The following NCOR1 variants were observed in gnomAD, a reference collection of about 807,000 sequenced individuals.
NCOR1 encodes protein phosphatase 1, regulatory subunit 109.
NCOR1 carries 63 observed loss-of-function variants against 288.1 expected under a neutral mutation model. That is an observed-to-expected ratio of 0.22 (90% CI 0.18 to 0.27). The LOEUF (loss-of-function observed/expected upper bound fraction) is 0.27. NCOR1 is among the 10% of genes least tolerant of loss of function. NCOR1 has a pLI of 1.00. For synonymous variants in NCOR1, 1,007 were observed against 1,065.9 expected (o/e 0.94, Z 1.08); for missense variants, 2,397 against 3,019.2 (o/e 0.79, Z 4.83).
intron 5 of NCOR1, among the ~76,000 whole-genome samples, chr17:16,162,124 GAGA>G (rs923157887): frequency 1.1e-4 from 16 of 152,152 alleles, no homozygotes; most frequent in African/African-American, 3.6e-4. Flanking sequence ...AGGCAGATTT[GAGA>G]AGGAGCCAAA....
At position 16,143,618 on chromosome 17, in the gene NCOR1, G is replaced by A. The variant is rs750454347; in HGVS notation, c.1161C>T (p.Leu387=). The A allele has an allele frequency of 1.9e-6, 3 of 1,612,998 alleles. No individual in the cohort carries two copies. In the South Asian group the frequency reaches 3.3e-5, roughly 18 times the overall value. Residue 387 remains leucine, a synonymous_variant, in exon 11 of 46, where the codon CTC becomes CTT. Transcript: ENST00000268712. The stretch of plus-strand genomic sequence containing the variant: ...TTTATTTTCTTACCTCCTGCTCAGA[G>A]AGCCCATCAATAATTTCAGAAATCT... ...EHEISEIIDG[L]SEQENNEKQM...
At chr17:16,067,749 T>C (rs2061301751) in intron 32 of NCOR1, 145 bp downstream of exon 32, 3 of 758,464 alleles carry the variant, frequency 4.0e-6, no homozygotes, top group Non-Finnish European at 6.0e-6. Context: ...GCTGGTAACA[T>C]GGGAGAATTT....
chr17:16,091,854 T>C lies in NCOR1; in HGVS notation c.3016+9A>G, dbSNP rs190716672. 1.2e-5 allele frequency: 19 copies of C among 1,614,022 alleles called. No individual in the cohort carries two copies. The African/African-American group carries it at 1.9e-4, about 16-fold the overall frequency. On this transcript the variant is annotated intron_variant, in intron 22 of 45. Coordinates refer to ENST00000268712, the MANE Select transcript of NCOR1 (RefSeq NM_006311.4). ...AAAAGTTCTCTTGGTGATAGCTCTA[T>C]CTACCTACCTTCCCACTCTCTGTTT...
At chr17:16,194,399 A>G (rs2089313544) in intron 2 of NCOR1, 63 bp downstream of exon 2, 1 of 1,152,074 alleles carries the variant, frequency 8.7e-7, no homozygotes, top group South Asian at 1.4e-5. Context: ...CATGTGTATT[A>G]AATAGGAAAA....
At chr17:16,163,498 T>A (rs537812930) in intron 5 of NCOR1, among the ~76,000 whole-genome samples, 6,568 of 152,108 alleles carry the variant, frequency 0.043, 315 homozygotes, top group African/African-American at 0.12. Flanking sequence ...TATATTTTTT[T>A]AAAAAAGGAA....
At position 16,065,388 on chromosome 17, in the gene NCOR1, C is replaced by T. The variant is rs537349315; in HGVS notation, c.4951+97G>A. Reference sequence around the variant, plus strand: ...GGATATAGTATTCTTTTCTTTCTTTCTTTCCATCATTCATTCAACAAGTAT... The same window carrying T: ...GGATATAGTATTCTTTTCTTTCTTTTTTTCCATCATTCATTCAACAAGTAT... On this transcript the variant is annotated intron_variant, in intron 33 of 45. Transcript: ENST00000268712. 2.6e-4 allele frequency: 344 copies of T among 1,322,622 alleles called. 7 individuals carry two copies. In the South Asian group the frequency reaches 4.2e-3, roughly 16 times the overall value. 81.9% of individuals were successfully genotyped at this position (1,322,622 alleles called of 1,614,324 possible). A position where few individuals can be genotyped will look rare whatever the true frequency, so the allele number is the denominator to read the frequency against.
At chr17:16,127,756 T>C (rs1336365706) in intron 14 of NCOR1, among the ~76,000 whole-genome samples, 3 of 103,496 alleles carry the variant, frequency 2.9e-5, no homozygotes, top group African/African-American at 6.9e-5. Flanking sequence ...GATATATATA[T>C]ATATCTCTCA....
At chr17:16,036,954 C>T (rs2056515477) in intron 44 of NCOR1, among the ~76,000 whole-genome samples, 1 of 152,230 alleles carries the variant, frequency 6.6e-6, no homozygotes, top group South Asian at 2.1e-4. Flanking sequence ...GTCTAGCTTT[C>T]AGCCTGTCTT....
At chr17:16,142,575 T>C (rs1480964369) in intron 11 of NCOR1, among the ~76,000 whole-genome samples, 2 of 152,196 alleles carry the variant, frequency 1.3e-5, no homozygotes, top group Non-Finnish European at 2.9e-5. Context: ...TGCATTTATT[T>C]ATTAATATCC....
At chr17:16,192,769 GAT>G (rs1307492692) in intron 2 of NCOR1, among the ~76,000 whole-genome samples, 1 of 152,144 alleles carries the variant, frequency 6.6e-6, no homozygotes, top group Non-Finnish European at 1.5e-5. Context: ...CAAACATATA[GAT>G]ATATGTTTTC....
chr17:16,187,193 G>C (rs1264347922), intron 2 of NCOR1, among the ~76,000 whole-genome samples: 2 of 150,530 alleles, frequency 1.3e-5, no homozygotes, highest in Non-Finnish European at 3.0e-5. Context: ...TTCCTTTGTT[G>C]GTTGTTGTTT....
In NCOR1 at chr17:16,089,560, T is replaced by C. The variant is rs146552637; in HGVS notation, c.3016+2303A>G. ...AGAGAAATAAATACAACCAAATAGT[T>C]GGACAACAAGTGCTGCCTGTTACTT... On this transcript the variant is annotated intron_variant, in intron 22 of 45. Coordinates refer to ENST00000268712, the MANE Select transcript of NCOR1 (RefSeq NM_006311.4). Among the ~76,000 whole-genome samples, 665 of 152,158 alleles carry C rather than the reference T, an allele frequency of 4.4e-3. 2 individuals are homozygous for C. Among genetic ancestry groups the C allele is most frequent in the Non-Finnish European group, 6.3e-3 (431 of 67,948 alleles).
chr17:16,094,043 G>A (rs1010075477), intron 21 of NCOR1, among the ~76,000 whole-genome samples: 9 of 152,018 alleles, frequency 5.9e-5, no homozygotes, highest in Admixed American at 6.5e-5. Flanking sequence ...AACCACAGGC[G>A]CATGGCACCA....
chr17:16,057,163 C>A, intron 40 of NCOR1: 1 of 226,846 alleles, frequency 4.4e-6, no homozygotes. Flanking sequence ...TCTACTGATG[C>A]TGACCCAGTA....
At chr17:16,077,506 A>C in intron 26 of NCOR1, among the ~76,000 whole-genome samples, 1 of 26,520 alleles carries the variant, frequency 3.8e-5, no homozygotes, top group Non-Finnish European at 7.0e-5. Flanking sequence ...AGGAGAGGGG[A>C]GGAGAGGGGA....
chr17:16,164,938 C>G (rs374864874), intron 5 of NCOR1, 41 bp downstream of exon 5: 1 of 1,376,072 alleles, frequency 7.3e-7, no homozygotes, highest in African/African-American at 1.5e-5. Flanking sequence ...TGTAGGGAGA[C>G]AAACATACAT....
chr17:16,102,405 C>G (rs1328628259), intron 19 of NCOR1, among the ~76,000 whole-genome samples: 1 of 151,932 alleles, frequency 6.6e-6, no homozygotes, highest in East Asian at 1.9e-4. Flanking sequence ...GCCTCAGCCT[C>G]CCAAGTAGCT....
chr17:16,115,537 T>C (rs1354005748), intron 18 of NCOR1, among the ~76,000 whole-genome samples: 1 of 152,186 alleles, frequency 6.6e-6, no homozygotes, highest in Non-Finnish European at 1.5e-5. Context: ...CTAGAATGCT[T>C]TGCTGCTTAG....
chr17:16,123,339 T>C (rs2073384649), intron 15 of NCOR1, among the ~76,000 whole-genome samples: 1 of 152,156 alleles, frequency 6.6e-6, no homozygotes, highest in Non-Finnish European at 1.5e-5. Context: ...TCACTAATTT[T>C]ACCATCTCTA....
Sources: gnomAD v4.1 joint callset for allele counts (sites outside exome capture counted in the v4.1 genomes callset) on GRCh38, gnomAD v4.1.1 for gene constraint, MANE v1.5 for transcripts, NCBI Gene and HGNC (gene_info 2026-07-23, HGNC 2026-07-21) for gene names.